Variants in ABCC4 observed in about 807,000 individuals in gnomAD.
ABCC4 encodes the protein ATP-binding cassette sub-family C member 4.
Under a neutral mutation model 168.5 loss-of-function variants are expected in ABCC4, and 102 were observed. The ratio of observed to expected loss-of-function variants is 0.61; its 90% CI spans 0.52 to 0.71. ABCC4 has a LOEUF of 0.71. ABCC4 is among the 30% of genes least tolerant of loss of function. The probability of loss-of-function intolerance (pLI) is 0.00; values close to 1 mark genes in which losing one functional copy is unlikely to be tolerated. For synonymous variants in ABCC4, 617 were observed against 590.7 expected, an observed-to-expected ratio of 1.04 and a Z score of -0.65; for missense variants, 1,402 against 1,605.8, an observed-to-expected ratio of 0.87 and a Z score of 2.17.
chr13:95,190,039 TA>T (rs112163009), intron 9 of ABCC4, among the ~76,000 whole-genome samples: 34,096 of 149,128 alleles, frequency 0.23, 4,232 homozygotes, highest in African/African-American at 0.34. Context: ...CTGCTAATGT[TA>T]AAAAAAAAAA....
intron 1 of ABCC4, among the ~76,000 whole-genome samples, chr13:95,281,367 T>C (rs942903560): frequency 6.0e-5 from 9 of 149,094 alleles, no homozygotes; most frequent in Non-Finnish European, 1.0e-4. Flanking sequence ...TGATTCTGCC[T>C]GAAAGAACAG....
chr13:95,164,561 A>C, intron 15 of ABCC4, 43 bp from the exon 16 acceptor site: 2 of 1,602,816 alleles, frequency 1.2e-6, no homozygotes, highest in Non-Finnish European at 1.7e-6. Context: ...CAGTATACAA[A>C]ACTGTTCCCA....
At chr13:95,283,252 G>A (rs1269430090) in intron 1 of ABCC4, among the ~76,000 whole-genome samples, 1 of 151,608 alleles carries the variant, frequency 6.6e-6, no homozygotes, top group African/African-American at 2.4e-5. Context: ...TGGTCCTGTG[G>A]CAGTGGGTCT....
chr13:95,264,672 T>C lies in ABCC4; in HGVS notation c.75-16919A>G, dbSNP rs1482686316. Among the ~76,000 whole-genome samples the C allele has an allele frequency of 2.0e-5, 3 of 152,246 alleles. No homozygotes were observed. In the East Asian group the frequency reaches 5.8e-4, roughly 29 times the overall value. ...AGAAGTGTTCGAGGCTGAAGGATACTAAAGAAATATGAGCGCTAAATACAT... is the reference window on the plus strand; with the variant it reads ...AGAAGTGTTCGAGGCTGAAGGATACCAAAGAAATATGAGCGCTAAATACAT... On this transcript the variant is annotated intron_variant, in intron 1 of 30. Coordinates refer to ENST00000645237, the MANE Select transcript of ABCC4 (RefSeq NM_005845.5).
At chr13:95,207,592 C>T (rs1179068580) in intron 7 of ABCC4, among the ~76,000 whole-genome samples, 2 of 152,206 alleles carry the variant, frequency 1.3e-5, no homozygotes, top group African/African-American at 2.4e-5. Flanking sequence ...AGCATACATG[C>T]TTTCTGTTTA....
chr13:95,264,744 G>A (rs1425930633), intron 1 of ABCC4, among the ~76,000 whole-genome samples: 1 of 152,116 alleles, frequency 6.6e-6, no homozygotes, highest in Non-Finnish European at 1.5e-5. Flanking sequence ...ACTGGTTATG[G>A]AGTTTGAAGA....
chr13:95,040,825 T>C (rs2032325032), intron 29 of ABCC4, among the ~76,000 whole-genome samples: 1 of 152,192 alleles, frequency 6.6e-6, no homozygotes, highest in Non-Finnish European at 1.5e-5. Context: ...AAGAAAGATA[T>C]ACATTATACA....
intron 20 of ABCC4, among the ~76,000 whole-genome samples, chr13:95,090,699 T>C (rs1369479729): frequency 2.0e-5 from 3 of 152,168 alleles, no homozygotes; most frequent in African/African-American, 2.4e-5. Context: ...AAACCCACTC[T>C]GATAATGTGA....
At chr13:95,118,493 C>T (rs1437472393) in intron 19 of ABCC4, among the ~76,000 whole-genome samples, 1 of 152,178 alleles carries the variant, frequency 6.6e-6, no homozygotes, top group Admixed American at 6.5e-5. Flanking sequence ...ATCCACCCAC[C>T]TCAGCCTCCC....
At chr13:95,129,680 A>T (rs1162966163) in intron 19 of ABCC4, among the ~76,000 whole-genome samples, 2 of 152,228 alleles carry the variant, frequency 1.3e-5, no homozygotes, top group African/African-American at 2.4e-5. Flanking sequence ...ATGAAAAAAA[A>T]TTTTTAAAGA....
At chr13:95,261,355 G>A (rs925261804) in intron 1 of ABCC4, among the ~76,000 whole-genome samples, 6 of 152,132 alleles carry the variant, frequency 3.9e-5, no homozygotes, top group East Asian at 1.9e-4. Context: ...AAGCTAAGGC[G>A]GAAGAATCAC....
intron 20 of ABCC4, among the ~76,000 whole-genome samples, chr13:95,111,508 A>G (rs2035203680): frequency 6.6e-6 from 1 of 152,124 alleles, no homozygotes; most frequent in Non-Finnish European, 1.5e-5. Flanking sequence ...CAAAAACCTC[A>G]CCTTTCTTTA....
intron 20 of ABCC4, among the ~76,000 whole-genome samples, chr13:95,085,702 A>T (rs2034235332): frequency 6.6e-6 from 1 of 152,150 alleles, no homozygotes; most frequent in South Asian, 2.1e-4. Context: ...TAGGCCACCC[A>T]CAATTTTCTG....
At chr13:95,064,513 ATGTG>A (rs3046394) in intron 25 of ABCC4, among the ~76,000 whole-genome samples, 37 of 148,518 alleles carry the variant, frequency 2.5e-4, no homozygotes, top group South Asian at 4.3e-4. Context: ...GTATGTGTGT[ATGTG>A]TGTGTGTGTG....
At chr13:95,253,714 A>G (rs1037959393) in intron 1 of ABCC4, among the ~76,000 whole-genome samples, 1 of 151,996 alleles carries the variant, frequency 6.6e-6, no homozygotes, top group South Asian at 2.1e-4. Context: ...ACTGCACTCC[A>G]GCCTGGGCGA....
At chr13:95,159,134 A>G (rs536182828) in intron 19 of ABCC4, among the ~76,000 whole-genome samples, 8 of 46,400 alleles carry the variant, frequency 1.7e-4, no homozygotes, top group East Asian at 1.5e-3. Flanking sequence ...TATATATATA[A>G]CTATTGAAGT....
chr13:95,295,754 G>C (rs2138965272), intron 1 of ABCC4, among the ~76,000 whole-genome samples: 1 of 152,134 alleles, frequency 6.6e-6, no homozygotes, highest in Non-Finnish European at 1.5e-5. Flanking sequence ...CACAAGGTCA[G>C]GAGTTCAAGA....
At position 95,083,172 on chromosome 13, in the gene ABCC4, G is replaced by A. The variant is rs1222142447; in HGVS notation, c.2654C>T (p.Thr885Met). The A allele has an allele frequency of 8.7e-6, 14 of 1,613,588 alleles. No homozygotes were observed. Among genetic ancestry groups the A allele is most frequent in the Admixed American group, 1.7e-5 (1 of 59,972 alleles). ...FIFLRRYFLE[T>M]SRDVKRLEST... The stretch of plus-strand genomic sequence containing the variant: ...TTCCAGGCGCTTCACATCTCTTGAC[G>A]TTTCCAAAAAATATCGCCGAAGAAA... The change falls in exon 21 of 31, where the codon ACG becomes ATG. Residue 885 changes from threonine to methionine, a missense_variant. Coordinates refer to ENST00000645237, the MANE Select transcript of ABCC4 (RefSeq NM_005845.5).
At chr13:95,172,959 T>C (rs2037530947) in intron 13 of ABCC4, among the ~76,000 whole-genome samples, 2 of 152,102 alleles carry the variant, frequency 1.3e-5, no homozygotes, top group Non-Finnish European at 2.9e-5. Context: ...GAGGGACAGA[T>C]ACAGTCACTA....
Sources: gnomAD v4.1 joint callset for allele counts (sites outside exome capture counted in the v4.1 genomes callset) on GRCh38, gnomAD v4.1.1 for gene constraint, MANE v1.5 for transcripts, NCBI Gene and HGNC (gene_info 2026-07-23, HGNC 2026-07-21) for gene names.